Variants in RTN1 observed in about 807,000 individuals in gnomAD.
RTN1 encodes the protein reticulon-1.
RTN1 carries 25 observed loss-of-function variants against 65.5 expected under a neutral mutation model. That is an observed-to-expected ratio of 0.38 (90% CI 0.28 to 0.53). The LOEUF (loss-of-function observed/expected upper bound fraction) is 0.53. Ranked by LOEUF, RTN1 falls within the 20% of genes least tolerant of loss-of-function variation. The pLI is 0.79. For synonymous variants in RTN1, 471 were observed against 447.6 expected, an observed-to-expected ratio of 1.05 and a Z score of -0.66; for missense variants, 983 against 1,025.4, an observed-to-expected ratio of 0.96 and a Z score of 0.57.
intron 1 of RTN1, among the ~76,000 whole-genome samples, chr14:59,789,532 G>T (rs191832042): frequency 4.6e-5 from 7 of 152,254 alleles, no homozygotes. Flanking sequence ...ATGCAAATGA[G>T]CTTGAAAGCC....
At chr14:59,706,897 C>T (rs1324223644) in intron 3 of RTN1, among the ~76,000 whole-genome samples, 5 of 152,176 alleles carry the variant, frequency 3.3e-5, no homozygotes, top group Non-Finnish European at 7.4e-5. Context: ...TGGTGTTATT[C>T]TTTAAATATT....
intron 1 of RTN1, among the ~76,000 whole-genome samples, chr14:59,796,338 A>T (rs750064999): frequency 2.9e-4 from 44 of 152,092 alleles, no homozygotes; most frequent in Admixed American, 5.2e-4. Flanking sequence ...TTGCCTAATG[A>T]CCTAATCTCA....
chr14:59,730,451 G>T (rs1325708080), intron 2 of RTN1, among the ~76,000 whole-genome samples: 1 of 152,156 alleles, frequency 6.6e-6, no homozygotes, highest in African/African-American at 2.4e-5. Context: ...AAATCTTCAT[G>T]ACCTTGGATT....
rs760917417 is a variant in RTN1, at chr14:59,818,806, T to C, written c.241+51584A>G. Among the ~76,000 whole-genome samples the C allele has an allele frequency of 8.5e-5, 13 of 152,368 alleles. 1 individual carries two copies. The highest frequency in any genetic ancestry group is 3.3e-4 in the Admixed American group (5 of 15,308). Reference sequence around the variant, plus strand: ...AGCAGTGTATAAGCATTTCCTTCTATCTGCAACCTCAGCGACATCTGCTAT... The same window carrying C: ...AGCAGTGTATAAGCATTTCCTTCTACCTGCAACCTCAGCGACATCTGCTAT... On this transcript the variant is annotated intron_variant, in intron 1 of 8. Coordinates refer to ENST00000267484, the MANE Select transcript of RTN1 (RefSeq NM_021136.3).
At chr14:59,777,348 C>T (rs1886071038) in intron 1 of RTN1, among the ~76,000 whole-genome samples, 1 of 152,136 alleles carries the variant, frequency 6.6e-6, no homozygotes, top group East Asian at 1.9e-4. Context: ...CTCAACACTT[C>T]CTCTTCTCCC....
rs115543724 is a variant in RTN1 at position 59,790,865 on chromosome 14, G to A, written c.242-44384C>T. 0.012 allele frequency among the ~76,000 whole-genome samples: 1,894 copies of A among 151,862 alleles called. 36 individuals are homozygous for A. Among genetic ancestry groups the A allele is most frequent in the African/African-American group, 0.043 (1,763 of 41,456 alleles). On this transcript the variant is annotated intron_variant, in intron 1 of 8. Coordinates refer to ENST00000267484, the MANE Select transcript of RTN1 (RefSeq NM_021136.3). This position sits in a 1 kb window ranked among gnomAD's most constrained non-coding sequence, Gnocchi z 4.1. ...GGTTATTTGAAGCCCTTTCTTTTAT[G>A]TTCACTGATTATTTGAAGCCTTTCT...
In RTN1 at chr14:59,610,280, C is replaced by G. The variant is rs55666419; in HGVS notation, c.1766-2788G>C. Reference sequence around the variant, plus strand: ...AAGTAACATGAGTTTGGTGTAGGGTCGTCTCTTAGCAGATCTTTCAATTAC... The same window carrying G: ...AAGTAACATGAGTTTGGTGTAGGGTGGTCTCTTAGCAGATCTTTCAATTAC... On this transcript the variant is annotated intron_variant, in intron 3 of 8. Coordinates refer to ENST00000267484, the MANE Select transcript of RTN1 (RefSeq NM_021136.3). 4.2e-3 allele frequency: 2,556 copies of G among 608,612 alleles called. 49 individuals carry two copies. In the African/African-American group the frequency reaches 0.042, roughly 10 times the overall value. The allele number at this position is 608,612 out of a possible 1,614,324, so 37.7% of individuals were successfully genotyped here.
rs369205843 is a variant in RTN1 at position 59,818,375 on chromosome 14, AG to A, written c.241+52014del. ...CTAGAAAGCTGACCACATGGTAAGA[AG>A]GCAAACTGCCTGCCTTCTCCAATCC... is the stretch of plus-strand genomic sequence containing the variant. On this transcript the variant is annotated intron_variant, in intron 1 of 8. Coordinates refer to ENST00000267484, the MANE Select transcript of RTN1 (RefSeq NM_021136.3). Among the ~76,000 whole-genome samples the A allele has an allele frequency of 4.5e-3, 688 of 152,326 alleles. 11 individuals carry two copies. The highest frequency in any genetic ancestry group is 0.016 in the African/African-American group (651 of 41,572).
chr14:59,665,170 T>C (rs567411597), intron 3 of RTN1, among the ~76,000 whole-genome samples: 4 of 152,048 alleles, frequency 2.6e-5, no homozygotes, highest in African/African-American at 9.6e-5. Context: ...TGAAGGAAAA[T>C]GTGTTAAGGG....
At chr14:59,679,160 G>C (rs1883691460) in intron 3 of RTN1, among the ~76,000 whole-genome samples, 1 of 152,178 alleles carries the variant, frequency 6.6e-6, no homozygotes, top group African/African-American at 2.4e-5. Flanking sequence ...TTTGTATTGA[G>C]TATTATCATG....
chr14:59,824,117 C>T (rs1886990054), intron 1 of RTN1, among the ~76,000 whole-genome samples: 3 of 152,128 alleles, frequency 2.0e-5, no homozygotes, highest in South Asian at 2.1e-4. Context: ...GTTCTTAAAA[C>T]GCTGAACCCA....
At chr14:59,843,062 C>T (rs1887342775) in intron 1 of RTN1, among the ~76,000 whole-genome samples, 1 of 152,160 alleles carries the variant, frequency 6.6e-6, no homozygotes, top group Non-Finnish European at 1.5e-5. Context: ...TTCACAATAG[C>T]TTTAAAAAAG....
chr14:59,622,644 T>C (rs777533648), intron 3 of RTN1, among the ~76,000 whole-genome samples: 11 of 152,070 alleles, frequency 7.2e-5, no homozygotes, highest in Admixed American at 2.0e-4. Flanking sequence ...CAAGAAAAAA[T>C]AGAAGTAATT....
chr14:59,665,465 C>T lies in RTN1; in HGVS notation c.1766-57973G>A, dbSNP rs562998104. Among the ~76,000 whole-genome samples the T allele has an allele frequency of 5.3e-4, 81 of 152,218 alleles. 1 individual carries two copies. The highest frequency in any genetic ancestry group is 7.2e-4 in the Non-Finnish European group (49 of 68,010). On this transcript the variant is annotated intron_variant, in intron 3 of 8. Transcript: ENST00000267484. ...AGCATTAAACATGGAAAGAAACAAC[C>T]GGTACCAGCCACTGCAGAAACATCC...
At chr14:59,751,334 A>G (rs1050750368) in intron 1 of RTN1, among the ~76,000 whole-genome samples, 1 of 151,880 alleles carries the variant, frequency 6.6e-6, no homozygotes, top group Non-Finnish European at 1.5e-5. Flanking sequence ...AAACTATTAA[A>G]TTTAAATCCA....
At position 59,848,792 on chromosome 14, in the gene RTN1, T is replaced by C. The variant is rs187547628; in HGVS notation, c.241+21598A>G. Among the ~76,000 whole-genome samples the C allele has an allele frequency of 5.4e-4, 83 of 152,306 alleles. 1 individual carries two copies. The highest frequency in any genetic ancestry group is 1.8e-3 in the African/African-American group (73 of 41,560). ...TGTCTGCAAGGAATTATAGAGACTA[T>C]TGGAGACACAACCTCTACCTCAAGG... On this transcript the variant is annotated intron_variant, in intron 1 of 8. Coordinates refer to ENST00000267484, the MANE Select transcript of RTN1 (RefSeq NM_021136.3).
chr14:59,838,051 T>C (rs987249555), intron 1 of RTN1, among the ~76,000 whole-genome samples: 1 of 152,124 alleles, frequency 6.6e-6, no homozygotes, highest in African/African-American at 2.4e-5. Context: ...ATCACTCAGG[T>C]AGTGAGCATA....
At chr14:59,761,079 G>T (rs975989880) in intron 1 of RTN1, among the ~76,000 whole-genome samples, 3 of 152,168 alleles carry the variant, frequency 2.0e-5, no homozygotes. Context: ...ACTAAAACAT[G>T]CCGGTACATA....
chr14:59,778,300 G>A (rs1055513911), intron 1 of RTN1, among the ~76,000 whole-genome samples: 1 of 152,154 alleles, frequency 6.6e-6, no homozygotes, highest in Admixed American at 6.5e-5. Context: ...GACCATGTAT[G>A]CTTTTTCTCA....
Sources: allele counts gnomAD v4.1 joint callset (sites outside exome capture counted in the v4.1 genomes callset), GRCh38; gene constraint gnomAD v4.1.1; non-coding constraint Gnocchi (gnomAD v3.1); transcripts MANE v1.5; gene names NCBI Gene and HGNC (gene_info 2026-07-23, HGNC 2026-07-21).